The following ZNF654 variants were observed in gnomAD, a reference collection of about 807,000 sequenced individuals.
ZNF654 encodes melanoma-associated antigen.
A neutral mutation model predicts 95.3 loss-of-function variants in ZNF654; 19 were observed. The ratio of observed to expected loss-of-function variants is 0.20; its 90% CI spans 0.14 to 0.29. The LOEUF is 0.29. Ranked by LOEUF, ZNF654 falls within the 10% of genes least tolerant of loss-of-function variation. ZNF654 has a pLI of 1.00. For synonymous variants in ZNF654, 413 were observed against 457.9 expected (o/e 0.90, Z 1.25); for missense variants, 1,046 against 1,341.0 (o/e 0.78, Z 3.44).
chr3:88,128,723 C>A, intron 4 of ZNF654, 86 bp from the exon 5 acceptor site: 4 of 878,782 alleles, frequency 4.6e-6, no homozygotes, highest in South Asian at 1.9e-5. Context: ...AATTAGAAAC[C>A]ATATTTTAGT....
intron 2 of ZNF654, among the ~76,000 whole-genome samples, chr3:88,089,693 A>G (rs1448512902): frequency 6.6e-6 from 1 of 152,088 alleles, no homozygotes; most frequent in Non-Finnish European, 1.5e-5. Context: ...AGCTCAGTTT[A>G]TTAACCAAGG....
intron 1 of ZNF654, among the ~76,000 whole-genome samples, chr3:88,082,453 T>G (rs1414076248): frequency 1.3e-5 from 2 of 152,304 alleles, no homozygotes; most frequent in Non-Finnish European, 2.9e-5. Flanking sequence ...AGTGGCTGGA[T>G]TCGCTGTAAA....
At chr3:88,089,024 C>T (rs1708495225) in intron 2 of ZNF654, among the ~76,000 whole-genome samples, 1 of 151,812 alleles carries the variant, frequency 6.6e-6, no homozygotes, top group Non-Finnish European at 1.5e-5. Flanking sequence ...CTACCCACCT[C>T]AGGCTCCCAA....
At chr3:88,069,236 A>G (rs957949977) in intron 1 of ZNF654, among the ~76,000 whole-genome samples, 1 of 152,198 alleles carries the variant, frequency 6.6e-6, no homozygotes, top group Non-Finnish European at 1.5e-5. Flanking sequence ...AGCCTGGCCA[A>G]CATGGTGAAA....
At chr3:88,079,589 C>T (rs1000870695) in intron 1 of ZNF654, among the ~76,000 whole-genome samples, 12 of 151,964 alleles carry the variant, frequency 7.9e-5, no homozygotes, top group Admixed American at 4.6e-4. Context: ...CCATCAGTAA[C>T]AGTATTCATG....
At chr3:88,101,018 C>G (rs193198346) in intron 2 of ZNF654, among the ~76,000 whole-genome samples, 209 of 152,240 alleles carry the variant, frequency 1.4e-3, no homozygotes, top group African/African-American at 4.9e-3. Flanking sequence ...GTAGTAGAAG[C>G]AACTATCACC....
intron 2 of ZNF654, among the ~76,000 whole-genome samples, chr3:88,097,561 A>T (rs909534938): frequency 2.6e-5 from 4 of 152,126 alleles, no homozygotes; most frequent in Non-Finnish European, 5.9e-5. Context: ...ACTTATTCCA[A>T]AATTGACCAC....
chr3:88,105,530 G>A (rs1183697333), intron 2 of ZNF654, among the ~76,000 whole-genome samples: 2 of 151,960 alleles, frequency 1.3e-5, no homozygotes, highest in African/African-American at 2.4e-5. Context: ...GCCAGATTTT[G>A]GGGGTAGGTT....
At chr3:88,136,219 T>C (rs569117402) in intron 7 of ZNF654, among the ~76,000 whole-genome samples, 3 of 152,166 alleles carry the variant, frequency 2.0e-5, no homozygotes, top group Non-Finnish European at 4.4e-5. Flanking sequence ...ATGAATCTTA[T>C]TGGTACCAAA....
chr3:88,139,004 G>A lies in ZNF654; in HGVS notation c.1335G>A (p.Leu445=). The A allele has an allele frequency of 8.0e-7, 1 of 1,246,418 alleles. No individual in the cohort carries two copies. The highest frequency in any genetic ancestry group is 3.1e-5 in the East Asian group (1 of 32,106). The allele number at this position is 1,246,418 out of a possible 1,614,324, so 77.2% of individuals were successfully genotyped here. ...TGCTTCCAATTTTGAAAAAGGGATTGTTTTTTGACCCTGAATTTTGGAACT... is the reference window on the plus strand; with the variant it reads ...TGCTTCCAATTTTGAAAAAGGGATTATTTTTTGACCCTGAATTTTGGAACT... ...FELLPILKKG[L]FFDPEFWNFV... The change falls in exon 8 of 9, where the codon TTG becomes TTA. Residue 445 remains leucine, a synonymous_variant. Coordinates refer to ENST00000636215, the MANE Select transcript of ZNF654 (RefSeq NM_001350134.2).
chr3:88,101,445 T>C (rs1193279485), intron 2 of ZNF654, among the ~76,000 whole-genome samples: 5 of 152,238 alleles, frequency 3.3e-5, no homozygotes, highest in African/African-American at 7.2e-5. Context: ...GAAATAGTCA[T>C]GTAAAATATT....
At chr3:88,074,559 C>T (rs1707695130) in intron 1 of ZNF654, among the ~76,000 whole-genome samples, 1 of 152,020 alleles carries the variant, frequency 6.6e-6, no homozygotes, top group African/African-American at 2.4e-5. Context: ...CCAGGCTGGC[C>T]TTGAACTCCT....
chr3:88,074,363 A>G, intron 1 of ZNF654, among the ~76,000 whole-genome samples: 2 of 134,588 alleles, frequency 1.5e-5, no homozygotes, highest in Non-Finnish European at 3.2e-5. Context: ...TTTTTTTGAG[A>G]CTGAGTCTTG....
chr3:88,072,523 T>A (rs897515163), intron 1 of ZNF654, among the ~76,000 whole-genome samples: 20 of 152,262 alleles, frequency 1.3e-4, no homozygotes, highest in African/African-American at 4.8e-4. Context: ...GCTTCTTGGC[T>A]TTTGTTTTGT....
intron 1 of ZNF654, among the ~76,000 whole-genome samples, chr3:88,082,496 G>T (rs1257400936): frequency 3.9e-5 from 6 of 152,192 alleles, no homozygotes; most frequent in African/African-American, 1.4e-4. Flanking sequence ...TGAACAGCTT[G>T]AATGACACCT....
chr3:88,093,991 G>T (rs573903821), intron 2 of ZNF654, among the ~76,000 whole-genome samples: 1 of 151,958 alleles, frequency 6.6e-6, no homozygotes, highest in Non-Finnish European at 1.5e-5. Context: ...AACCAATTTT[G>T]TATCTATTGT....
chr3:88,140,704 G>C lies in ZNF654; in HGVS notation c.3035G>C (p.Ser1012Thr). Residue 1012 changes from serine to threonine, a missense_variant, in exon 8 of 9, where the codon AGT becomes ACT. Physicochemically the swap from Ser to Thr is moderately conservative, Grantham distance 58. Transcript: ENST00000636215. ...IRTENGSILP[S>T]VVPQEHNTLP... ...ACAGAAAATGGTTCCATTTTGCCCAGTGTTGTACCACAAGAACACAACACC... is the reference window on the plus strand; with the variant it reads ...ACAGAAAATGGTTCCATTTTGCCCACTGTTGTACCACAAGAACACAACACC... The C allele has an allele frequency of 6.8e-6, 11 of 1,613,700 alleles. No homozygotes were observed. The Middle Eastern group carries it at 5.0e-4, about 73-fold the overall frequency.
chr3:88,122,808 G>A (rs187371651), intron 3 of ZNF654, among the ~76,000 whole-genome samples: 5 of 151,990 alleles, frequency 3.3e-5, no homozygotes, highest in East Asian at 1.9e-4. Flanking sequence ...TGAGGAGTTC[G>A]ATACCAGCCT....
intron 6 of ZNF654, among the ~76,000 whole-genome samples, chr3:88,131,528 C>T (rs1706464938): frequency 6.6e-6 from 1 of 152,100 alleles, no homozygotes; most frequent in Non-Finnish European, 1.5e-5. Context: ...AACACACACA[C>T]AAACCCAGAA....
Sources: gnomAD v4.1 joint callset for allele counts (sites outside exome capture counted in the v4.1 genomes callset) on GRCh38, gnomAD v4.1.1 for gene constraint, MANE v1.5 for transcripts, NCBI Gene and HGNC (gene_info 2026-07-23, HGNC 2026-07-21) for gene names.